Variants in XPO6 observed in about 807,000 individuals in gnomAD.
XPO6 encodes the protein exportin-6.
A neutral mutation model predicts 130.0 loss-of-function variants in XPO6; 3 were observed. The observed-to-expected ratio is 0.02, with a 90% CI of 0.01 to 0.06. The LOEUF is 0.06. Ranked by LOEUF, XPO6 falls within the 10% of genes least tolerant of loss-of-function variation. The probability of loss-of-function intolerance (pLI) is 1.00; values close to 1 mark genes in which losing one functional copy is unlikely to be tolerated. For synonymous variants in XPO6, 524 were observed against 548.9 expected (o/e 0.95, Z 0.63); for missense variants, 970 against 1,393.0 (o/e 0.70, Z 4.83).
At position 28,113,030 on chromosome 16, in the gene XPO6, TAGC is replaced by T. The variant is rs1280312303; in HGVS notation, c.2022_2024del (p.Leu675del). ...GTGAGACCAGTAAGTGGCACGCAGA[TAGC>T]AGCAGCTTGTCTTGGACCTGCAGAG... On this transcript the variant is annotated inframe_deletion, in exon 16 of 24. Transcript: ENST00000304658. 1 of 1,613,940 alleles carries T rather than the reference TAGC, an allele frequency of 6.2e-7. No individual in the cohort carries two copies.
rs375037135 is a variant in XPO6 at position 28,133,826 on chromosome 16, C to A, written c.1536+15G>T. On this transcript the variant is annotated intron_variant, in intron 11 of 23. Coordinates refer to ENST00000304658, the MANE Select transcript of XPO6 (RefSeq NM_015171.4). ...GAAATCGCTACACTCTCCACTCCCC[C>A]GGACAGCACATTACCAGTGTGGAGA... The A allele has an allele frequency of 2.5e-6, 4 of 1,613,508 alleles. No homozygotes were observed. Among genetic ancestry groups the A allele is most frequent in the African/African-American group, 2.7e-5 (2 of 74,902 alleles).
intron 1 of XPO6, among the ~76,000 whole-genome samples, chr16:28,193,846 G>A (rs115957285): frequency 0.016 from 2,415 of 152,166 alleles, 34 homozygotes; most frequent in African/African-American, 0.047. Context: ...TCTCAGCTCT[G>A]CCCCTTCTAC....
At position 28,101,998 on chromosome 16, in the gene XPO6, C is replaced by T; in HGVS notation, c.2947-53G>A. 1 of 1,465,450 alleles carries T rather than the reference C, an allele frequency of 6.8e-7. No homozygotes were observed. The highest frequency in any genetic ancestry group is 9.5e-7 in the Non-Finnish European group (1 of 1,056,390). The allele number at this position is 1,465,450 out of a possible 1,614,324, so 90.8% of individuals were successfully genotyped here. A position where few individuals can be genotyped will look rare whatever the true frequency, so the allele number is the denominator to read the frequency against. On this transcript the variant is annotated intron_variant, in intron 21 of 23. Coordinates refer to ENST00000304658, the MANE Select transcript of XPO6 (RefSeq NM_015171.4). The surrounding 1 kb of genome is among the most constrained non-coding windows in gnomAD (Gnocchi z 5.4). Reference sequence around the variant, plus strand: ...ACTGCAAGACCAAGCACTTCTGGAGCATCTACCCCATGTCAGAAGAACAAG... The same window carrying T: ...ACTGCAAGACCAAGCACTTCTGGAGTATCTACCCCATGTCAGAAGAACAAG...
intron 9 of XPO6, among the ~76,000 whole-genome samples, chr16:28,137,233 C>T (rs899691045): frequency 8.5e-5 from 13 of 152,244 alleles, no homozygotes; most frequent in African/African-American, 3.1e-4. Flanking sequence ...CTTCAGAGAT[C>T]TGAACCCTAG....
chr16:28,155,701 C>A (rs769064253), intron 7 of XPO6: 14 of 179,260 alleles, frequency 7.8e-5, no homozygotes, highest in Non-Finnish European at 1.6e-4. Context: ...AACTCCTGTA[C>A]CTCCACGGAC....
At chr16:28,125,491 A>G (rs1234503608) in intron 13 of XPO6, among the ~76,000 whole-genome samples, 198 bp downstream of exon 13, 1 of 152,222 alleles carries the variant, frequency 6.6e-6, no homozygotes, top group Non-Finnish European at 1.5e-5. Flanking sequence ...AGGAAACAAC[A>G]TCTACTTCAT....
intron 1 of XPO6, among the ~76,000 whole-genome samples, chr16:28,203,350 G>A: frequency 6.6e-6 from 1 of 151,906 alleles, no homozygotes. Flanking sequence ...GTGGGAGGTT[G>A]AAAAAGTAGA....
chr16:28,123,079 T>C (rs2087285873), intron 13 of XPO6, among the ~76,000 whole-genome samples: 1 of 152,080 alleles, frequency 6.6e-6, no homozygotes, highest in South Asian at 2.1e-4. Context: ...AAATGCCTCT[T>C]TCATTACAGA....
intron 1 of XPO6, among the ~76,000 whole-genome samples, chr16:28,192,272 A>G (rs2043799261): frequency 6.6e-6 from 1 of 151,736 alleles, no homozygotes; most frequent in Non-Finnish European, 1.5e-5. Flanking sequence ...CAAAAAAAAA[A>G]AAAAAAAAAA....
In XPO6 at chr16:28,156,150, A is replaced by C; in HGVS notation, c.1021T>G (p.Phe341Val). ...TTGGTGATTTTCTGCAGGAGGTAGA[A>C]AGTCTGCTGGAACATACGCAGTAAA... ...EYLLRMFQQT[F>V]YLLQKITKDN... Residue 341 changes from phenylalanine (F) to valine (V), a missense_variant, in exon 7 of 24, where the codon TTC becomes GTC. Coordinates refer to ENST00000304658, the MANE Select transcript of XPO6 (RefSeq NM_015171.4). 1 of 1,614,106 alleles carries C rather than the reference A, an allele frequency of 6.2e-7. No homozygotes were observed. Among genetic ancestry groups the C allele is most frequent in the Non-Finnish European group, 8.5e-7 (1 of 1,179,978 alleles).
Position 28,106,706 on chromosome 16 carries a change from T to G in XPO6, c.2498-209A>C, listed in dbSNP as rs552235452. Among the ~76,000 whole-genome samples the G allele has an allele frequency of 3.2e-4, 49 of 152,270 alleles. No individual in the cohort carries two copies. Among genetic ancestry groups the G allele is most frequent in the African/African-American group, 1.1e-3 (47 of 41,552 alleles). ...GAAAATAGTTCTGGTATAGGGAACC[T>G]CCACCTGGTGGCTCACTACAGGAAA... On this transcript the variant is annotated intron_variant, in intron 18 of 23. Coordinates refer to ENST00000304658, the MANE Select transcript of XPO6 (RefSeq NM_015171.4). This position sits in a 1 kb window ranked among gnomAD's most constrained non-coding sequence, Gnocchi z 4.2.
chr16:28,131,406 CAG>C (rs1456886041), intron 12 of XPO6, among the ~76,000 whole-genome samples: 2 of 152,198 alleles, frequency 1.3e-5, no homozygotes, highest in African/African-American at 4.8e-5. Flanking sequence ...TTACCCAACA[CAG>C]GGGCTGCGCA....
intron 1 of XPO6, among the ~76,000 whole-genome samples, chr16:28,194,825 T>C (rs541528431): frequency 2.0e-5 from 3 of 151,988 alleles, no homozygotes; most frequent in South Asian, 2.1e-4. Flanking sequence ...AACCATTTCA[T>C]CACCTGGCCC....
intron 4 of XPO6, 36 bp downstream of exon 4, chr16:28,175,860 CTA>C (rs755284772): frequency 6.3e-7 from 1 of 1,582,880 alleles, no homozygotes; most frequent in South Asian, 1.1e-5. Context: ...AACAAACAAA[CTA>C]TTCACAAGAT....
chr16:28,115,223 T>A (rs1429566296), intron 15 of XPO6, among the ~76,000 whole-genome samples: 1 of 152,208 alleles, frequency 6.6e-6, no homozygotes, highest in Non-Finnish European at 1.5e-5. Flanking sequence ...AGGTTTTCAG[T>A]TTATTTGCCC....
chr16:28,197,743 C>T (rs1010813780), intron 1 of XPO6, among the ~76,000 whole-genome samples: 2 of 151,310 alleles, frequency 1.3e-5, no homozygotes, highest in African/African-American at 4.9e-5. Flanking sequence ...AGTGAAACCC[C>T]GTCTCTACTA....
At chr16:28,130,593 T>G (rs2042647187) in intron 12 of XPO6, among the ~76,000 whole-genome samples, 1 of 152,154 alleles carries the variant, frequency 6.6e-6, no homozygotes, top group Non-Finnish European at 1.5e-5. Flanking sequence ...AAGCAGGAAA[T>G]AAGCATTTTT....
intron 14 of XPO6, among the ~76,000 whole-genome samples, 180 bp from the exon 15 acceptor site, chr16:28,117,642 T>G (rs2087103028): frequency 6.6e-6 from 1 of 152,242 alleles, no homozygotes; most frequent in South Asian, 2.1e-4. Context: ...ATTCATCATC[T>G]AAACATTGCC....
rs1429564535 is a variant in XPO6 at position 28,132,825 on chromosome 16, G to C, written c.1537-422C>G. Reference sequence around the variant, plus strand: ...AGAAATGTCAGCTATGCCTTATTAAGCACATGGTAAAGTGATAAGATTGGC... The same window carrying C: ...AGAAATGTCAGCTATGCCTTATTAACCACATGGTAAAGTGATAAGATTGGC... On this transcript the variant is annotated intron_variant, in intron 11 of 23. Coordinates refer to ENST00000304658, the MANE Select transcript of XPO6 (RefSeq NM_015171.4). The surrounding 1 kb of genome is among the most constrained non-coding windows in gnomAD (Gnocchi z 4.0). Among the ~76,000 whole-genome samples, 1 of 152,138 alleles carries C rather than the reference G, an allele frequency of 6.6e-6. No individual in the cohort carries two copies. The highest frequency in any genetic ancestry group is 1.5e-5 in the Non-Finnish European group (1 of 68,032).
Sources: gnomAD v4.1 joint callset for allele counts (sites outside exome capture counted in the v4.1 genomes callset) on GRCh38, gnomAD v4.1.1 for gene constraint, Gnocchi (gnomAD v3.1) non-coding constraint, MANE v1.5 for transcripts, NCBI Gene and HGNC (gene_info 2026-07-23, HGNC 2026-07-21) for gene names.